CCSER1: variants seen among roughly 807,000 people sequenced by gnomAD.
CCSER1 encodes the protein coiled-coil serine rich protein 1, also known as serine-rich coiled-coil domain-containing protein 1.
CCSER1 carries 41 observed loss-of-function variants against 82.0 expected under a neutral mutation model. The ratio of observed to expected loss-of-function variants is 0.50; its 90% confidence interval spans 0.39 to 0.65. The LOEUF (loss-of-function observed/expected upper bound fraction) is 0.65, where lower values mean the gene tolerates loss of function less well. Ranked by LOEUF, CCSER1 falls within the 30% of genes least tolerant of loss-of-function variation. CCSER1 has a pLI of 0.00. For missense variants in CCSER1, 1,119 were observed against 1,064.2 expected, an observed-to-expected ratio of 1.05 and a Z score of -0.72; for synonymous variants, 414 against 383.9, an observed-to-expected ratio of 1.08 and a Z score of -0.92.
At chr4:91,359,640 G>A (rs528976216) in intron 10 of CCSER1, among the ~76,000 whole-genome samples, 6 of 151,976 alleles carry the variant, frequency 3.9e-5, no homozygotes, top group Non-Finnish European at 8.8e-5. Context: ...TCATAATTTG[G>A]TTGATAAAGG....
intron 10 of CCSER1, among the ~76,000 whole-genome samples, chr4:91,318,460 G>T (rs1745975162): frequency 6.6e-6 from 1 of 151,806 alleles, no homozygotes; most frequent in African/African-American, 2.4e-5. Flanking sequence ...GAAATTCCTG[G>T]GTTTACATTA....
At chr4:90,750,763 A>T (rs553115649) in intron 7 of CCSER1, among the ~76,000 whole-genome samples, 4 of 152,188 alleles carry the variant, frequency 2.6e-5, no homozygotes, top group Non-Finnish European at 4.4e-5. Context: ...ATTCAATTTT[A>T]TATGAATATT....
chr4:91,281,017 A>G lies in CCSER1; in HGVS notation c.2217+195023A>G, dbSNP rs142733448. 3.7e-3 allele frequency among the ~76,000 whole-genome samples: 570 copies of G among 152,156 alleles called. 2 individuals carry two copies. Among genetic ancestry groups the G allele is most frequent in the South Asian group, 0.015 (74 of 4,820 alleles). ...TTGGGTGGTCTCTGAAAATCTCTGT[A>G]TGTTAGTCTTAGGGCTTGTGTGAGT... On this transcript the variant is annotated intron_variant, in intron 10 of 10. Transcript: ENST00000509176.
At chr4:90,707,928 CA>C (rs2149311083) in intron 6 of CCSER1, among the ~76,000 whole-genome samples, 1 of 152,192 alleles carries the variant, frequency 6.6e-6, no homozygotes, top group Non-Finnish European at 1.5e-5. Context: ...TACAAGCTGC[CA>C]ATATTATCCT....
intron 5 of CCSER1, among the ~76,000 whole-genome samples, chr4:90,488,337 A>G (rs551426558): frequency 5.9e-4 from 89 of 151,582 alleles, no homozygotes; most frequent in Non-Finnish European, 1.0e-3. Context: ...ACAGGCACCC[A>G]CCACCACACC....
At chr4:90,138,341 C>T (rs1185166026) in intron 1 of CCSER1, among the ~76,000 whole-genome samples, 1 of 151,992 alleles carries the variant, frequency 6.6e-6, no homozygotes, top group Non-Finnish European at 1.5e-5. Context: ...ACAGGTGCGC[C>T]CCACTACGCC....
intron 10 of CCSER1, among the ~76,000 whole-genome samples, chr4:91,145,146 G>A (rs1044809442): frequency 6.6e-6 from 1 of 152,068 alleles, no homozygotes; most frequent in Admixed American, 6.6e-5. Flanking sequence ...CTCCAAAACT[G>A]GGTACATATG....
At chr4:91,171,786 G>T (rs184865617) in intron 10 of CCSER1, among the ~76,000 whole-genome samples, 30 of 152,052 alleles carry the variant, frequency 2.0e-4, no homozygotes, top group Admixed American at 1.0e-3. Context: ...AAATAATCTA[G>T]TATACATAAT....
At chr4:91,436,461 T>C (rs570793740) in intron 10 of CCSER1, among the ~76,000 whole-genome samples, 66 of 152,264 alleles carry the variant, frequency 4.3e-4, no homozygotes, top group African/African-American at 1.4e-3. Flanking sequence ...CTTGCCTCAA[T>C]GAGAGTTAAT....
chr4:90,604,632 T>C (rs1026903712), intron 5 of CCSER1, among the ~76,000 whole-genome samples: 16 of 152,214 alleles, frequency 1.1e-4, no homozygotes, highest in African/African-American at 3.6e-4. Context: ...GCTGGGCTCC[T>C]GAGTCAGGTG....
Position 90,607,955 on chromosome 4 carries a change from T to TA in CCSER1, c.1725-20066dup, listed in dbSNP as rs1784953198. On this transcript the variant is annotated intron_variant, in intron 5 of 10. Coordinates refer to ENST00000509176, the MANE Select transcript of CCSER1 (RefSeq NM_001145065.2). Reference sequence around the variant, plus strand: ...GAAATAACACATAAGCATACTGGAGTAAAAGTGTGTATTCTATATCCTGTG... The same window carrying TA: ...GAAATAACACATAAGCATACTGGAGTAAAAAGTGTGTATTCTATATCCTGTG... 3.9e-5 allele frequency among the ~76,000 whole-genome samples: 6 copies of TA among 152,130 alleles called. No homozygotes were observed. In the South Asian group the frequency reaches 1.2e-3, roughly 32 times the overall value.
chr4:90,512,265 T>C (rs527535248), intron 5 of CCSER1, among the ~76,000 whole-genome samples: 103 of 151,038 alleles, frequency 6.8e-4, no homozygotes, highest in Non-Finnish European at 1.4e-3. Context: ...GGTTCTACTA[T>C]GGTGCCTTGT....
intron 10 of CCSER1, among the ~76,000 whole-genome samples, chr4:91,169,572 G>A (rs1732538690): frequency 6.6e-6 from 1 of 152,112 alleles, no homozygotes; most frequent in Non-Finnish European, 1.5e-5. Flanking sequence ...AGTTAGTTGA[G>A]ATCACACCAC....
intron 10 of CCSER1, among the ~76,000 whole-genome samples, chr4:91,507,492 G>A (rs760472623): frequency 3.4e-4 from 51 of 151,820 alleles, no homozygotes; most frequent in Admixed American, 1.1e-3. Flanking sequence ...GCAGTGACGC[G>A]ATCTCGGCTC....
chr4:90,878,506 A>G (rs1277469835), intron 8 of CCSER1, among the ~76,000 whole-genome samples: 3 of 152,160 alleles, frequency 2.0e-5, no homozygotes, highest in Non-Finnish European at 4.4e-5. Context: ...GGTGTTGAGA[A>G]ATGCTAAATG....
intron 6 of CCSER1, among the ~76,000 whole-genome samples, chr4:90,668,772 A>G (rs1020297905): frequency 6.6e-5 from 10 of 152,080 alleles, no homozygotes; most frequent in Admixed American, 2.0e-4. Context: ...TCTAATCACA[A>G]CTAGAAAATT....
At chr4:91,227,623 T>C (rs576806780) in intron 10 of CCSER1, among the ~76,000 whole-genome samples, 1 of 151,896 alleles carries the variant, frequency 6.6e-6, no homozygotes, top group South Asian at 2.1e-4. Flanking sequence ...ATCACCCAAA[T>C]ATTGAACATA....
At chr4:90,737,593 C>G (rs961379967) in intron 7 of CCSER1, among the ~76,000 whole-genome samples, 1 of 151,970 alleles carries the variant, frequency 6.6e-6, no homozygotes, top group Non-Finnish European at 1.5e-5. Flanking sequence ...TTGAGATAGT[C>G]TTCTTTGGGT....
intron 9 of CCSER1, among the ~76,000 whole-genome samples, chr4:90,956,612 T>A (rs151304594): frequency 0.018 from 2,753 of 152,246 alleles, 32 homozygotes; most frequent in Non-Finnish European, 0.025. Flanking sequence ...AGAATTTGTA[T>A]TAATTTTCAA....
Sources: gnomAD v4.1 joint callset for allele counts (sites outside exome capture counted in the v4.1 genomes callset) on GRCh38, gnomAD v4.1.1 for gene constraint, MANE v1.5 for transcripts, NCBI Gene and HGNC (gene_info 2026-07-23, HGNC 2026-07-21) for gene names.